Variants in MAL observed in about 807,000 individuals in gnomAD.
MAL encodes the protein mal, T cell differentiation protein (MAL blood group), also known as myelin and lymphocyte protein.
In MAL, 5 loss-of-function variants were observed where a neutral mutation model predicts 16.7. The ratio of observed to expected loss-of-function variants is 0.30; its 90% CI spans 0.16 to 0.63. The LOEUF (loss-of-function observed/expected upper bound fraction) is 0.63. Ranked by LOEUF, MAL falls within the 30% of genes least tolerant of loss-of-function variation. MAL has a pLI of 0.82. For synonymous variants in MAL, 96 were observed against 85.5 expected, an observed-to-expected ratio of 1.12 and a Z score of -0.67; for missense variants, 202 against 195.8, an observed-to-expected ratio of 1.03 and a Z score of -0.19.
intron 1 of MAL, among the ~76,000 whole-genome samples, chr2:95,028,105 G>A (rs1203720841): frequency 2.1e-5 from 3 of 140,486 alleles, no homozygotes; most frequent in Non-Finnish European, 4.5e-5. Flanking sequence ...TCAGGAGTTC[G>A]AGACCAGACT....
At chr2:95,039,348 GTGACTGACTGACTGAC>G (rs1410163557) in intron 1 of MAL, among the ~76,000 whole-genome samples, 1 of 148,622 alleles carries the variant, frequency 6.7e-6, no homozygotes, top group Non-Finnish European at 1.5e-5. Flanking sequence ...GAGTGAGTGA[GTGACTGACTGACTGAC>G]TGAGTAACTG....
At chr2:95,036,443 A>T (rs1398224160) in intron 1 of MAL, among the ~76,000 whole-genome samples, 1 of 152,188 alleles carries the variant, frequency 6.6e-6, no homozygotes, top group African/African-American at 2.4e-5. Context: ...CCCTTGGTGG[A>T]CCCAGAACTG....
intron 1 of MAL, among the ~76,000 whole-genome samples, chr2:95,046,992 AGGAAGGAAGGAGAGGGAG>A (rs1295149417): frequency 1.3e-5 from 2 of 151,358 alleles, no homozygotes; most frequent in Non-Finnish European, 2.9e-5. Context: ...AAGAAAAAGA[AGGAAGGAAGGAGAGGGAG>A]GGAGGGAAGA....
intron 1 of MAL, among the ~76,000 whole-genome samples, chr2:95,037,584 CTGAG>C (rs1399603489): frequency 2.7e-4 from 27 of 100,422 alleles, no homozygotes; most frequent in Middle Eastern, 9.1e-3. Flanking sequence ...GACTGAGTGA[CTGAG>C]TGAGTGAGTG....
At chr2:95,027,437 G>C (rs1432383544) in intron 1 of MAL, among the ~76,000 whole-genome samples, 1 of 152,166 alleles carries the variant, frequency 6.6e-6, no homozygotes, top group Non-Finnish European at 1.5e-5. Flanking sequence ...GACTTAGAAA[G>C]TCACTTCTCC....
At chr2:95,044,329 T>C (rs1342996834) in intron 1 of MAL, 1 of 152,216 alleles carries the variant, frequency 6.6e-6, no homozygotes, top group Admixed American at 6.5e-5. Flanking sequence ...ACTGTGGTGA[T>C]GGACGCACGT....
intron 1 of MAL, among the ~76,000 whole-genome samples, chr2:95,028,642 A>G (rs1453013542): frequency 1.3e-5 from 2 of 152,206 alleles, no homozygotes; most frequent in African/African-American, 2.4e-5. Context: ...CTTCACAATA[A>G]CACACAGCCC....
At chr2:95,036,062 A>T (rs1468651794) in intron 1 of MAL, among the ~76,000 whole-genome samples, 2 of 152,190 alleles carry the variant, frequency 1.3e-5, no homozygotes. Context: ...CAGATTAGAT[A>T]AGGAACACTG....
Position 95,031,512 on chromosome 2 carries a change from CT to C in MAL, c.93+5628del, listed in dbSNP as rs540239647. Among the ~76,000 whole-genome samples, 799 of 152,348 alleles carry C rather than the reference CT, an allele frequency of 5.2e-3. 4 individuals are homozygous for C. Among genetic ancestry groups the C allele is most frequent in the Non-Finnish European group, 8.3e-3 (564 of 68,036 alleles). ...GCGGACATCTCGAGGCCAGGCCACC[CT>C]CTTGATATTTTTATGGGGGATAGAA... On this transcript the variant is annotated intron_variant, in intron 1 of 3. Coordinates refer to ENST00000309988, the MANE Select transcript of MAL (RefSeq NM_002371.4).
Position 95,047,999 on chromosome 2 carries a change from T to A in MAL, c.134T>A (p.Leu45Gln). Residue 45 changes from leucine (L) to glutamine (Q), a missense_variant, in exon 2 of 4, where the codon CTG becomes CAG. Physicochemically the swap from Leu to Gln is moderately radical, Grantham distance 113 (BLOSUM62 -2). Coordinates refer to ENST00000309988, the MANE Select transcript of MAL (RefSeq NM_002371.4). ...GTGTGGATCCTGGTGGCCTCCTCCC[T>A]GGTGCCCTGGCCCCTGGTCCAGGGC... ...GLVWILVASS[L>Q]VPWPLVQGWV... is the part of the protein sequence containing the mutation. 6.2e-7 allele frequency: 1 copy of A among 1,600,752 alleles called. No individual in the cohort carries two copies. Among genetic ancestry groups the A allele is most frequent in the Non-Finnish European group, 8.5e-7 (1 of 1,173,994 alleles).
rs189368924 is a variant in MAL, at chr2:95,049,809, A to G, written c.387+103A>G. 1,452 of 1,498,594 alleles carry G rather than the reference A, an allele frequency of 9.7e-4. 20 individuals carry two copies. The African/African-American group carries it at 0.019, about 19-fold the overall frequency. 92.8% of individuals were successfully genotyped at this position (1,498,594 alleles called of 1,614,324 possible). A position where few individuals can be genotyped will look rare whatever the true frequency, so the allele number is the denominator to read the frequency against. ...CCCTTGGTCTGTTTTCAGTTCACTA[A>G]CTTTTGAGTGAGGTCAAACCTTGCC... On this transcript the variant is annotated intron_variant, in intron 3 of 3. Transcript: ENST00000309988.
At chr2:95,045,625 TC>T (rs1674568805) in intron 1 of MAL, among the ~76,000 whole-genome samples, 1 of 152,188 alleles carries the variant, frequency 6.6e-6, no homozygotes, top group African/African-American at 2.4e-5. Flanking sequence ...CTTAAATTGG[TC>T]CTCCTGGGAG....
intron 1 of MAL, among the ~76,000 whole-genome samples, chr2:95,038,846 GAC>G (rs1674343094): frequency 1.2e-5 from 1 of 83,426 alleles, no homozygotes; most frequent in African/African-American, 5.6e-5. Context: ...GTGAGTGAAT[GAC>G]CGAGTGACTG....
chr2:95,053,287 C>A, intron 3 of MAL, 94 bp from the exon 4 acceptor site: 1 of 846,548 alleles, frequency 1.2e-6, no homozygotes. Flanking sequence ...CTGGGTCTGG[C>A]CCCCCCTACG....
At chr2:95,029,906 C>T (rs780018067) in intron 1 of MAL, among the ~76,000 whole-genome samples, 2 of 152,194 alleles carry the variant, frequency 1.3e-5, no homozygotes, top group Non-Finnish European at 2.9e-5. Context: ...CACTTGGTAG[C>T]GTCAGACTTT....
intron 1 of MAL, among the ~76,000 whole-genome samples, chr2:95,037,576 CTGAG>C (rs1674267411): frequency 1.0e-5 from 1 of 95,578 alleles, no homozygotes; most frequent in South Asian, 3.5e-4. Flanking sequence ...GAGTGAGTGA[CTGAG>C]TGACTGAGTG....
intron 1 of MAL, among the ~76,000 whole-genome samples, chr2:95,040,020 C>A (rs1674405522): frequency 1.3e-5 from 2 of 152,086 alleles, no homozygotes; most frequent in South Asian, 4.1e-4. Flanking sequence ...ATTCTCCTAC[C>A]ACCTGGTGCT....
At chr2:95,047,080 A>T (rs1674608013) in intron 1 of MAL, among the ~76,000 whole-genome samples, 1 of 152,176 alleles carries the variant, frequency 6.6e-6, no homozygotes, top group Admixed American at 6.5e-5. Flanking sequence ...GACTACTGAC[A>T]GTGTGGTTAA....
chr2:95,053,070 T>C (rs1395418322), intron 3 of MAL: 1 of 297,134 alleles, frequency 3.4e-6, no homozygotes, highest in East Asian at 5.8e-5. Context: ...ATTGGAGGGG[T>C]CTTTGAGGAC....
Sources: allele counts gnomAD v4.1 joint callset (sites outside exome capture counted in the v4.1 genomes callset), GRCh38; gene constraint gnomAD v4.1.1; transcripts MANE v1.5; gene names NCBI Gene and HGNC (gene_info 2026-07-23, HGNC 2026-07-21).